The following DPP10 variants were observed in gnomAD, a reference collection of about 807,000 sequenced individuals.
DPP10 encodes inactive dipeptidyl peptidase 10.
Under a neutral mutation model 120.9 loss-of-function variants are expected in DPP10, and 33 were observed. The ratio of observed to expected loss-of-function variants is 0.27; its 90% CI spans 0.21 to 0.37. The LOEUF (loss-of-function observed/expected upper bound fraction) is 0.37, where lower values mean the gene tolerates loss of function less well. DPP10 is among the 10% of genes least tolerant of loss of function. The pLI, the probability that DPP10 is intolerant of heterozygous loss-of-function variation, is 1.00. For synonymous variants in DPP10, 337 were observed against 326.1 expected, an observed-to-expected ratio of 1.03 and a Z score of -0.36; for missense variants, 816 against 942.8, an observed-to-expected ratio of 0.87 and a Z score of 1.76.
At chr2:114,784,375 C>G (rs1682588952) in intron 1 of DPP10, among the ~76,000 whole-genome samples, 1 of 152,098 alleles carries the variant, frequency 6.6e-6, no homozygotes, top group Non-Finnish European at 1.5e-5. Context: ...ATATTTTCTA[C>G]TTTTACCTCT....
At chr2:115,049,803 C>T (rs1181936732) in intron 1 of DPP10, among the ~76,000 whole-genome samples, 1 of 152,078 alleles carries the variant, frequency 6.6e-6, no homozygotes, top group African/African-American at 2.4e-5. Flanking sequence ...TTTCTGACAC[C>T]TTTATCTTTA....
intron 3 of DPP10, among the ~76,000 whole-genome samples, chr2:115,486,224 A>T (rs1484818465): frequency 1.5e-5 from 2 of 131,524 alleles, no homozygotes; most frequent in African/African-American, 5.1e-5. Flanking sequence ...GACTACAGAA[A>T]TATTTTCATA....
chr2:114,729,126 A>T (rs1676641883), intron 1 of DPP10, among the ~76,000 whole-genome samples: 1 of 152,254 alleles, frequency 6.6e-6, no homozygotes, highest in Non-Finnish European at 1.5e-5. Context: ...ATTTGAAATA[A>T]GAGGCCCAAG....
intron 1 of DPP10, among the ~76,000 whole-genome samples, chr2:114,910,741 C>T (rs1311824592): frequency 1.3e-5 from 2 of 152,036 alleles, no homozygotes; most frequent in Non-Finnish European, 2.9e-5. Flanking sequence ...AAAATAGACT[C>T]CACATATCTA....
At chr2:115,549,945 C>G (rs972257070) in intron 5 of DPP10, among the ~76,000 whole-genome samples, 2 of 152,090 alleles carry the variant, frequency 1.3e-5, no homozygotes, top group African/African-American at 2.4e-5. Flanking sequence ...CCCTTTTTCC[C>G]ACATCACACA....
At chr2:115,167,567 A>G (rs1031466426) in intron 1 of DPP10, among the ~76,000 whole-genome samples, 2 of 149,088 alleles carry the variant, frequency 1.3e-5, no homozygotes, top group African/African-American at 5.0e-5. Flanking sequence ...AGATTGTGCC[A>G]CTGCACTCTA....
chr2:115,376,028 A>G (rs1464182872), intron 3 of DPP10, among the ~76,000 whole-genome samples: 1 of 152,146 alleles, frequency 6.6e-6, no homozygotes, highest in Non-Finnish European at 1.5e-5. Flanking sequence ...CCCAGAAATG[A>G]GGCATTAGTG....
intron 1 of DPP10, among the ~76,000 whole-genome samples, chr2:115,292,861 C>T (rs527712394): frequency 2.0e-5 from 3 of 152,178 alleles, no homozygotes; most frequent in East Asian, 1.9e-4. Context: ...AGATGGTGAC[C>T]GAATCCTTGA....
intron 1 of DPP10, among the ~76,000 whole-genome samples, chr2:115,080,681 G>A (rs1708201532): frequency 6.6e-6 from 1 of 152,144 alleles, no homozygotes; most frequent in Non-Finnish European, 1.5e-5. Context: ...TCATTTAAGA[G>A]ATCACTCAGT....
chr2:115,384,312 T>C (rs2066682873), intron 3 of DPP10, among the ~76,000 whole-genome samples: 1 of 151,948 alleles, frequency 6.6e-6, no homozygotes, highest in South Asian at 2.1e-4. Flanking sequence ...AGTTCAAGGC[T>C]GCAGTGAGCT....
intron 1 of DPP10, among the ~76,000 whole-genome samples, chr2:115,163,342 C>T (rs1039507420): frequency 1.3e-5 from 2 of 152,154 alleles, no homozygotes; most frequent in African/African-American, 4.8e-5. Context: ...CTCTTCCCTC[C>T]CCTTCTCTTT....
intron 5 of DPP10, among the ~76,000 whole-genome samples, chr2:115,637,141 C>A (rs930482298): frequency 6.6e-6 from 1 of 151,672 alleles, no homozygotes; most frequent in Non-Finnish European, 1.5e-5. Context: ...AAAAAAAAAT[C>A]CAGATGTGAA....
At chr2:114,858,412 G>T (rs1259502753) in intron 1 of DPP10, among the ~76,000 whole-genome samples, 1 of 152,194 alleles carries the variant, frequency 6.6e-6, no homozygotes, top group Non-Finnish European at 1.5e-5. Flanking sequence ...ATGAGATAAA[G>T]CATGTAAACA....
At chr2:115,484,384 T>A (rs1290189384) in intron 3 of DPP10, among the ~76,000 whole-genome samples, 1 of 152,098 alleles carries the variant, frequency 6.6e-6, no homozygotes, top group South Asian at 2.1e-4. Flanking sequence ...AGAAAATAAC[T>A]TCTTTCTTAA....
chr2:114,540,280 A>G (rs1001133051), intron 1 of DPP10, among the ~76,000 whole-genome samples: 5 of 152,232 alleles, frequency 3.3e-5, no homozygotes, highest in African/African-American at 7.2e-5. Flanking sequence ...CGGAAGGACA[A>G]TGGCATGGAA....
intron 5 of DPP10, among the ~76,000 whole-genome samples, chr2:115,584,134 C>G (rs1157215174): frequency 6.6e-6 from 1 of 152,166 alleles, no homozygotes; most frequent in East Asian, 1.9e-4. Flanking sequence ...ACCATTTTTA[C>G]CATATCAGGG....
intron 3 of DPP10, among the ~76,000 whole-genome samples, chr2:115,384,616 GGAAGAAGAAGAGGAA>G (rs1559522070): frequency 3.6e-5 from 5 of 139,670 alleles, no homozygotes; most frequent in African/African-American, 1.4e-4. Flanking sequence ...AAGAAGTGAA[GGAAGAAGAAGAGGAA>G]GAAGAAAGAA....
At chr2:115,547,132 GCCCTACA>G (rs2079550570) in intron 5 of DPP10, among the ~76,000 whole-genome samples, 2 of 151,860 alleles carry the variant, frequency 1.3e-5, no homozygotes, top group East Asian at 3.9e-4. Flanking sequence ...TCCCAGTATT[GCCCTACA>G]GAAAACTCTG....
At chr2:114,543,785 C>T (rs1687144562) in intron 1 of DPP10, among the ~76,000 whole-genome samples, 1 of 151,948 alleles carries the variant, frequency 6.6e-6, no homozygotes, top group Non-Finnish European at 1.5e-5. Flanking sequence ...AAGAAACTGC[C>T]CAGCATCTGC....
Sources: gnomAD v4.1 joint callset for allele counts (sites outside exome capture counted in the v4.1 genomes callset) on GRCh38, gnomAD v4.1.1 for gene constraint, MANE v1.5 for transcripts, NCBI Gene and HGNC (gene_info 2026-07-23, HGNC 2026-07-21) for gene names.